ARSJ: variants seen among roughly 807,000 people sequenced by gnomAD.
ARSJ encodes the protein arylsulfatase family member J.
Under a neutral mutation model 35.9 loss-of-function variants are expected in ARSJ, and 26 were observed. That is an observed-to-expected ratio of 0.72 (90% confidence interval 0.53 to 1.00). The LOEUF is 1.00. Among genes scored for constraint, ARSJ ranks in the 50% least tolerant of loss-of-function variants. The pLI is 0.00. For synonymous variants in ARSJ, 294 were observed against 267.6 expected, an observed-to-expected ratio of 1.10 and a Z score of -0.96; for missense variants, 667 against 723.6, an observed-to-expected ratio of 0.92 and a Z score of 0.90.
At position 113,972,316 on chromosome 4, in the gene ARSJ, AAAC is replaced by A. The variant is rs1727316895; in HGVS notation, c.398+6118_398+6120del. On this transcript the variant is annotated intron_variant, in intron 1 of 1. Transcript: ENST00000315366. ...TGGAAAAAAAAAAAAACAAAAAAAA[AAAC>A]CCCACCATGATTTTCATCCCTATTT... 2.7e-5 allele frequency among the ~76,000 whole-genome samples: 4 copies of A among 149,376 alleles called. 2 individuals carry two copies. The highest frequency in any genetic ancestry group is 1.4e-4 in the Admixed American group (2 of 14,582).
At chr4:113,952,622 A>G (rs1451018436) in intron 1 of ARSJ, among the ~76,000 whole-genome samples, 3 of 152,108 alleles carry the variant, frequency 2.0e-5, no homozygotes, top group Non-Finnish European at 4.4e-5. Context: ...TAATGCTGAA[A>G]GCAGTCACTA....
intron 1 of ARSJ, among the ~76,000 whole-genome samples, chr4:113,975,421 T>C (rs1175584185): frequency 6.6e-6 from 1 of 152,218 alleles, no homozygotes; most frequent in Admixed American, 6.5e-5. Flanking sequence ...TTATGAAGCC[T>C]TCACTATATT....
At chr4:113,947,348 C>T (rs114107631) in intron 1 of ARSJ, among the ~76,000 whole-genome samples, 16,002 of 151,792 alleles carry the variant, frequency 0.11, 1,053 homozygotes, top group Middle Eastern at 0.17. Flanking sequence ...GGTATCTTGG[C>T]ATGCACCTGT....
At chr4:113,967,156 C>T (rs1726947085) in intron 1 of ARSJ, among the ~76,000 whole-genome samples, 2 of 152,096 alleles carry the variant, frequency 1.3e-5, no homozygotes, top group South Asian at 4.2e-4. Context: ...TAATTTTCAA[C>T]ATCTCTTTGA....
intron 1 of ARSJ, among the ~76,000 whole-genome samples, chr4:113,958,056 T>C (rs1040074993): frequency 3.9e-5 from 6 of 152,074 alleles, no homozygotes; most frequent in Admixed American, 3.3e-4. Context: ...AAAGAAACTG[T>C]AAGCCAGCAT....
rs1194675817 is a variant in ARSJ, at chr4:113,900,772, T to C, written c.*1502A>G. 6.6e-6 allele frequency: 1 copy of C among 152,164 alleles called. No homozygotes were observed. The highest frequency in any genetic ancestry group is 2.4e-5 in the African/African-American group (1 of 41,422). 9.4% of individuals were successfully genotyped at this position (152,164 alleles called of 1,614,324 possible). On this transcript the variant is annotated 3_prime_UTR_variant, in exon 2 of 2. Transcript: ENST00000315366. The stretch of plus-strand genomic sequence containing the variant: ...CAGGATCCACACCAATCTATGCTCA[T>C]TGATGACCCATGATAAACTTCATTA...
chr4:113,937,696 G>C (rs1251329665), intron 1 of ARSJ, among the ~76,000 whole-genome samples: 2 of 152,004 alleles, frequency 1.3e-5, no homozygotes, highest in Non-Finnish European at 2.9e-5. Context: ...CAAAGTCTCT[G>C]GATACAAAAT....
rs757700061 is a variant in ARSJ at position 113,978,439 on chromosome 4, T to C, written c.396A>G (p.Gly132=). The C allele has an allele frequency of 8.8e-6, 14 of 1,584,334 alleles. No homozygotes were observed. The highest frequency in any genetic ancestry group is 4.5e-5 in the East Asian group (2 of 44,596). Residue 132 remains glycine (G), a splice_region_variant and synonymous_variant, in exon 1 of 2, where the codon GGA becomes GGG. Coordinates refer to ENST00000315366, the MANE Select transcript of ARSJ (RefSeq NM_024590.4). ...CTPSRSQFIT[G]KYQIHTGLQH... ...ATATAAGAAGTAGGAACACTTACTT[T>C]CCAGTAATAAACTGACTCCTGGATG...
Position 113,958,453 on chromosome 4 carries a change from A to G in ARSJ, c.398+19984T>C, listed in dbSNP as rs566488903. Among the ~76,000 whole-genome samples, 4 of 152,194 alleles carry G rather than the reference A, an allele frequency of 2.6e-5. No individual in the cohort carries two copies. In the South Asian group the frequency reaches 8.3e-4, roughly 32 times the overall value. On this transcript the variant is annotated intron_variant, in intron 1 of 1. Coordinates refer to ENST00000315366, the MANE Select transcript of ARSJ (RefSeq NM_024590.4). ...CTAATGTTCACCTATTTGTAGAAAAATGAAAGAATCCATTAATTATTTTTC... is the reference window on the plus strand; with the variant it reads ...CTAATGTTCACCTATTTGTAGAAAAGTGAAAGAATCCATTAATTATTTTTC...
Position 113,921,476 on chromosome 4 carries a change from G to A in ARSJ, c.399-17801C>T, listed in dbSNP as rs139110860. Among the ~76,000 whole-genome samples the A allele has an allele frequency of 7.9e-5, 12 of 152,218 alleles. No individual in the cohort carries two copies. In the East Asian group the frequency reaches 1.9e-3, roughly 24 times the overall value. On this transcript the variant is annotated intron_variant, in intron 1 of 1. Coordinates refer to ENST00000315366, the MANE Select transcript of ARSJ (RefSeq NM_024590.4). ...CTGAGAAGGGGCAAAGGCTCTCAAA[G>A]TTATTCACCTGAAACTACAAAATTT...
intron 1 of ARSJ, among the ~76,000 whole-genome samples, chr4:113,969,911 A>G (rs1727136449): frequency 6.6e-6 from 1 of 152,188 alleles, no homozygotes; most frequent in Non-Finnish European, 1.5e-5. Context: ...TGCTTAGGGG[A>G]CCAGCAAGGG....
chr4:113,903,552 G>C lies in ARSJ; in HGVS notation c.522C>G (p.Val174=). The change falls in exon 2 of 2, where the codon GTC becomes GTG. Residue 174 remains valine (V), a synonymous_variant. Transcript: ENST00000315366. ...LKEVGYSTHM[V]GKWHLGFYRK... The stretch of plus-strand genomic sequence containing the variant: ...TGTAAAAACCCAAGTGCCATTTTCC[G>C]ACCATATGCGTTGAATATCCAACCT... The C allele has an allele frequency of 1.2e-6, 2 of 1,614,140 alleles. No individual in the cohort carries two copies. Among genetic ancestry groups the C allele is most frequent in the Non-Finnish European group, 1.7e-6 (2 of 1,180,016 alleles).
chr4:113,918,345 G>T (rs1393948060), intron 1 of ARSJ, among the ~76,000 whole-genome samples: 5 of 152,034 alleles, frequency 3.3e-5, no homozygotes, highest in Non-Finnish European at 5.9e-5. Context: ...TTATTTTGTA[G>T]AATATATTTA....
chr4:113,932,575 A>T (rs1008096302), intron 1 of ARSJ, among the ~76,000 whole-genome samples: 2 of 152,048 alleles, frequency 1.3e-5, no homozygotes, highest in Admixed American at 1.3e-4. Flanking sequence ...CTGCACAAAC[A>T]CATGGAAATT....
In ARSJ at chr4:113,979,074, TC is replaced by T. The variant is rs1158677042; in HGVS notation, c.-241del. ...AGCACATTTCACTTTCTCCTCCTCC[TC>T]CCCCCTCCCTAGAGCAGCTTCCACC... On this transcript the variant is annotated 5_prime_UTR_variant, in exon 1 of 2. Coordinates refer to ENST00000315366, the MANE Select transcript of ARSJ (RefSeq NM_024590.4). 11 of 389,282 alleles carry T rather than the reference TC, an allele frequency of 2.8e-5. No homozygotes were observed. The highest frequency in any genetic ancestry group is 2.6e-4 in the Admixed American group (6 of 22,772). The allele number at this position is 389,282 out of a possible 1,614,324, so 24.1% of individuals were successfully genotyped here. A position where few individuals can be genotyped will look rare whatever the true frequency, so the allele number is the denominator to read the frequency against.
chr4:113,937,693 T>G (rs963340229), intron 1 of ARSJ, among the ~76,000 whole-genome samples: 1 of 152,066 alleles, frequency 6.6e-6, no homozygotes, highest in African/African-American at 2.4e-5. Context: ...AAGCAAAGTC[T>G]CTGGATACAA....
At chr4:113,934,787 T>C (rs1209023103) in intron 1 of ARSJ, among the ~76,000 whole-genome samples, 3 of 151,760 alleles carry the variant, frequency 2.0e-5, no homozygotes, top group South Asian at 2.1e-4. Context: ...AACTGTCACA[T>C]GTAGTCTGAA....
chr4:113,949,649 T>C (rs1725730644), intron 1 of ARSJ, among the ~76,000 whole-genome samples: 1 of 152,112 alleles, frequency 6.6e-6, no homozygotes, highest in Non-Finnish European at 1.5e-5. Context: ...TGTTACTAGC[T>C]GAGTGTTATT....
At chr4:113,965,150 T>A (rs1409115047) in intron 1 of ARSJ, among the ~76,000 whole-genome samples, 8 of 152,118 alleles carry the variant, frequency 5.3e-5, no homozygotes, top group African/African-American at 1.7e-4. Context: ...AGGTTAAGTA[T>A]TCTTAGAAAC....
Sources: allele counts gnomAD v4.1 joint callset (sites outside exome capture counted in the v4.1 genomes callset), GRCh38; gene constraint gnomAD v4.1.1; transcripts MANE v1.5; gene names NCBI Gene and HGNC (gene_info 2026-07-23, HGNC 2026-07-21).